Variants in RNF220 observed in about 807,000 individuals in gnomAD.
RNF220 encodes E3 ubiquitin-protein ligase RNF220.
A neutral mutation model predicts 67.1 loss-of-function variants in RNF220; 7 were observed. The observed-to-expected ratio is 0.10, with a 90% CI of 0.06 to 0.20. The LOEUF (loss-of-function observed/expected upper bound fraction) is 0.20. Ranked by LOEUF, RNF220 falls within the 10% of genes least tolerant of loss-of-function variation. RNF220 has a pLI of 1.00. For missense variants in RNF220, 565 were observed against 740.3 expected, an observed-to-expected ratio of 0.76 and a Z score of 2.75; for synonymous variants, 270 against 283.2, an observed-to-expected ratio of 0.95 and a Z score of 0.47.
intron 2 of RNF220, among the ~76,000 whole-genome samples, chr1:44,527,380 G>A (rs910652049): frequency 6.6e-6 from 1 of 152,204 alleles, no homozygotes; most frequent in Non-Finnish European, 1.5e-5. Context: ...AAGGAAGGAA[G>A]GAAGGAAGGG....
At chr1:44,464,121 A>G (rs1330274130) in intron 2 of RNF220, among the ~76,000 whole-genome samples, 4 of 152,244 alleles carry the variant, frequency 2.6e-5, no homozygotes, top group Non-Finnish European at 1.5e-5. Context: ...TTAGAGTCCT[A>G]TGTCAGCAGC....
chr1:44,446,228 A>G (rs1286954489), intron 2 of RNF220, among the ~76,000 whole-genome samples: 1 of 152,204 alleles, frequency 6.6e-6, no homozygotes, highest in African/African-American at 2.4e-5. Context: ...TCAAAGTAAA[A>G]TTTTATAAGA....
chr1:44,416,881 G>A (rs1400550626), intron 2 of RNF220, among the ~76,000 whole-genome samples: 1 of 152,198 alleles, frequency 6.6e-6, no homozygotes, highest in Admixed American at 6.5e-5. Flanking sequence ...GTAGGAGATG[G>A]TATTTTGTAC....
intron 2 of RNF220, among the ~76,000 whole-genome samples, chr1:44,587,055 C>G (rs1419262780): frequency 1.3e-5 from 2 of 148,984 alleles, no homozygotes; most frequent in African/African-American, 5.1e-5. Context: ...ACAACATGGG[C>G]AAATTCCCCC....
chr1:44,559,687 G>A (rs752627311), intron 2 of RNF220, among the ~76,000 whole-genome samples: 1 of 152,202 alleles, frequency 6.6e-6, no homozygotes, highest in African/African-American at 2.4e-5. Flanking sequence ...CAGGAAGCCA[G>A]AGCTGAAGGA....
intron 2 of RNF220, among the ~76,000 whole-genome samples, chr1:44,509,972 C>T (rs993426951): frequency 1.3e-5 from 2 of 149,980 alleles, no homozygotes; most frequent in Admixed American, 1.3e-4. Flanking sequence ...ATTACAGGTT[C>T]AATGCCTGTT....
At chr1:44,415,776 C>T (rs1365609069) in intron 2 of RNF220, among the ~76,000 whole-genome samples, 1 of 152,112 alleles carries the variant, frequency 6.6e-6, no homozygotes, top group African/African-American at 2.4e-5. Flanking sequence ...AGTTTTAGGT[C>T]ATTAAGAAAT....
chr1:44,539,984 C>T (rs980049649), intron 2 of RNF220, among the ~76,000 whole-genome samples: 3 of 152,252 alleles, frequency 2.0e-5, no homozygotes, highest in African/African-American at 7.2e-5. Context: ...GTCTAGCCTG[C>T]CAGCTCTCTT....
chr1:44,491,233 C>A (rs796657871), intron 2 of RNF220, among the ~76,000 whole-genome samples: 213 of 152,188 alleles, frequency 1.4e-3, no homozygotes, highest in African/African-American at 4.8e-3. Flanking sequence ...CAAATTATTT[C>A]ATGAAGCCAC....
At chr1:44,525,849 T>A (rs1012704570) in intron 2 of RNF220, among the ~76,000 whole-genome samples, 1 of 152,166 alleles carries the variant, frequency 6.6e-6, no homozygotes, top group Non-Finnish European at 1.5e-5. Context: ...CCACAATTTC[T>A]TCGTCTCAAA....
chr1:44,437,940 A>G (rs1342180288), intron 2 of RNF220, among the ~76,000 whole-genome samples: 1 of 152,122 alleles, frequency 6.6e-6, no homozygotes, highest in Non-Finnish European at 1.5e-5. Flanking sequence ...ACCTGGCCTC[A>G]TGAGGGGTTG....
At chr1:44,481,332 G>A (rs1655788045) in intron 2 of RNF220, among the ~76,000 whole-genome samples, 1 of 152,114 alleles carries the variant, frequency 6.6e-6, no homozygotes, top group African/African-American at 2.4e-5. Flanking sequence ...GGCTGAGGCA[G>A]GGGGAATCAC....
chr1:44,449,999 G>A (rs1572538656), intron 2 of RNF220, among the ~76,000 whole-genome samples: 1 of 152,256 alleles, frequency 6.6e-6, no homozygotes, highest in Non-Finnish European at 1.5e-5. Context: ...ATCATCTGAG[G>A]TTGGGAGTTC....
intron 3 of RNF220, among the ~76,000 whole-genome samples, chr1:44,614,830 G>A (rs945671241): frequency 6.6e-6 from 1 of 150,610 alleles, no homozygotes; most frequent in African/African-American, 2.4e-5. Flanking sequence ...GCCTCCTCAA[G>A]GGCCTGGTGG....
chr1:44,514,783 C>G (rs1329573571), intron 2 of RNF220, among the ~76,000 whole-genome samples: 1 of 152,130 alleles, frequency 6.6e-6, no homozygotes, highest in African/African-American at 2.4e-5. Flanking sequence ...GGGAAGTACC[C>G]GAGTCACAGA....
At chr1:44,632,300 G>A in intron 5 of RNF220, 43 bp from the exon 6 acceptor site, 3 of 1,614,008 alleles carry the variant, frequency 1.9e-6, no homozygotes, top group Non-Finnish European at 2.5e-6. Context: ...CGCGCCTGAC[G>A]CTCTCTTTTC....
intron 2 of RNF220, among the ~76,000 whole-genome samples, chr1:44,415,167 T>G (rs1436780336): frequency 6.6e-6 from 1 of 151,468 alleles, no homozygotes; most frequent in East Asian, 1.9e-4. Context: ...TGCAGCAGCT[T>G]TCTTGGCTCC....
intron 2 of RNF220, among the ~76,000 whole-genome samples, chr1:44,517,368 T>C (rs961919406): frequency 2.2e-4 from 33 of 152,322 alleles, no homozygotes; most frequent in South Asian, 1.5e-3. Context: ...CCTCCTTACA[T>C]GACTGCTTCC....
Position 44,417,989 on chromosome 1 carries a change from C to A in RNF220, c.625+5267C>A, listed in dbSNP as rs574554858. Among the ~76,000 whole-genome samples, 2 of 152,170 alleles carry A rather than the reference C, an allele frequency of 1.3e-5. No individual in the cohort carries two copies. The highest frequency in any genetic ancestry group is 2.1e-4 in the South Asian group (1 of 4,834). ...GCCCGCGGCCGCACACACGAGGGCC[C>A]GTCGCGCCCCCCGCCCTGCCCCGCC... On this transcript the variant is annotated intron_variant, in intron 2 of 14. Transcript: ENST00000361799. The surrounding 1 kb of genome is among the most constrained non-coding windows in gnomAD (Gnocchi z 4.0).
Sources: allele counts gnomAD v4.1 joint callset (sites outside exome capture counted in the v4.1 genomes callset), GRCh38; gene constraint gnomAD v4.1.1; non-coding constraint Gnocchi (gnomAD v3.1); transcripts MANE v1.5; gene names NCBI Gene and HGNC (gene_info 2026-07-23, HGNC 2026-07-21).